Variants in AATF observed in about 807,000 individuals in gnomAD.
AATF encodes apoptosis antagonizing transcription factor.
In AATF, 48 loss-of-function variants were observed where a neutral mutation model predicts 63.7. The ratio of observed to expected loss-of-function variants is 0.75; its 90% confidence interval spans 0.60 to 0.96. The LOEUF (loss-of-function observed/expected upper bound fraction) is 0.96. Ranked by LOEUF, AATF falls within the 40% of genes least tolerant of loss-of-function variation. The pLI, the probability that AATF is intolerant of heterozygous loss-of-function variation, is 0.00. For synonymous variants in AATF, 258 were observed against 247.7 expected (o/e 1.04, Z -0.39); for missense variants, 639 against 685.7 (o/e 0.93, Z 0.76).
chr17:37,048,486 T>C (rs889434921), intron 11 of AATF, among the ~76,000 whole-genome samples: 2 of 148,560 alleles, frequency 1.3e-5, no homozygotes, highest in Admixed American at 1.4e-4. Flanking sequence ...TTTTCCCGGC[T>C]CAGCCTCCCA....
chr17:36,976,210 G>A (rs1455537311), intron 4 of AATF, among the ~76,000 whole-genome samples: 4 of 152,152 alleles, frequency 2.6e-5, no homozygotes, highest in Non-Finnish European at 4.4e-5. Flanking sequence ...TAACCCTCAA[G>A]GGTACATTGA....
intron 4 of AATF, among the ~76,000 whole-genome samples, chr17:36,968,685 G>A (rs2071015567): frequency 6.6e-6 from 1 of 151,750 alleles, no homozygotes; most frequent in South Asian, 2.1e-4. Context: ...ACAGTGGTGT[G>A]ATCATAGCTC....
At chr17:37,054,025 T>C (rs1340206477) in intron 11 of AATF, among the ~76,000 whole-genome samples, 2 of 152,204 alleles carry the variant, frequency 1.3e-5, no homozygotes, top group African/African-American at 4.8e-5. Flanking sequence ...GTTATAAAAA[T>C]GTGCAACCCT....
rs1427698475 is a variant in AATF, at chr17:36,949,174, C to T, written c.49C>T (p.Pro17Ser). Reference sequence around the variant, plus strand: ...GCTGCAACTGGAACAGTTGTTGAACCCGCGACCAAGCGAGGCGGACCCTGA... The same window carrying T: ...GCTGCAACTGGAACAGTTGTTGAACTCGCGACCAAGCGAGGCGGACCCTGA... ...LALQLEQLLN[P>S]RPSEADPEAD... The change falls in exon 1 of 12, where the codon CCG (proline) becomes TCG (serine). Residue 17 changes from proline to serine, a missense_variant. By Grantham distance (74) the Pro-to-Ser change is moderately conservative (BLOSUM62 -1). Coordinates refer to ENST00000619387, the MANE Select transcript of AATF (RefSeq NM_012138.4). 2 of 1,593,406 alleles carry T rather than the reference C, an allele frequency of 1.3e-6. No homozygotes were observed. The highest frequency in any genetic ancestry group is 1.8e-5 in the Admixed American group (1 of 56,250).
chr17:37,050,573 C>T (rs949202735), intron 11 of AATF, among the ~76,000 whole-genome samples: 6 of 152,130 alleles, frequency 3.9e-5, no homozygotes, highest in African/African-American at 1.4e-4. Flanking sequence ...GCAGAGCAGG[C>T]GTGTGTGTGA....
intron 8 of AATF, among the ~76,000 whole-genome samples, chr17:36,992,059 C>T (rs1274356806): frequency 2.6e-5 from 4 of 152,078 alleles, no homozygotes; most frequent in African/African-American, 9.7e-5. Context: ...AAGTAATTTG[C>T]GACTGCTTGT....
chr17:36,975,230 T>C (rs946188391), intron 4 of AATF, among the ~76,000 whole-genome samples: 19 of 152,184 alleles, frequency 1.2e-4, no homozygotes, highest in African/African-American at 4.6e-4. Context: ...CCCATGTCAA[T>C]GCCTGCAGGT....
intron 8 of AATF, among the ~76,000 whole-genome samples, chr17:37,015,412 G>T (rs906316618): frequency 1.3e-5 from 2 of 152,206 alleles, no homozygotes; most frequent in African/African-American, 4.8e-5. Flanking sequence ...AGTTTCTGTT[G>T]TCTGGAGAGG....
intron 8 of AATF, among the ~76,000 whole-genome samples, chr17:37,000,993 C>T (rs1218747712): frequency 6.6e-6 from 1 of 151,488 alleles, no homozygotes; most frequent in Non-Finnish European, 1.5e-5. Flanking sequence ...CAGTATTATC[C>T]TGATACCCAA....
At chr17:37,002,869 C>G (rs2071311554) in intron 8 of AATF, among the ~76,000 whole-genome samples, 1 of 148,106 alleles carries the variant, frequency 6.8e-6, no homozygotes, top group Admixed American at 6.8e-5. Context: ...TGATCTAAAG[C>G]TTCAAAACAA....
chr17:37,038,343 T>A (rs1186747589), intron 11 of AATF, among the ~76,000 whole-genome samples: 1 of 152,112 alleles, frequency 6.6e-6, no homozygotes, highest in Non-Finnish European at 1.5e-5. Context: ...GACAAACAAA[T>A]ACTGACTGAG....
intron 11 of AATF, among the ~76,000 whole-genome samples, chr17:37,033,167 G>A (rs1398874078): frequency 6.6e-6 from 1 of 152,150 alleles, no homozygotes; most frequent in Non-Finnish European, 1.5e-5. Context: ...GTACATTTGT[G>A]TCTGGCTTTG....
At chr17:37,034,045 A>G (rs899459956) in intron 11 of AATF, among the ~76,000 whole-genome samples, 2 of 152,220 alleles carry the variant, frequency 1.3e-5, no homozygotes, top group Admixed American at 6.5e-5. Context: ...AGAAAGGGCT[A>G]TCCCTTGTGG....
chr17:36,992,106 G>A, intron 8 of AATF, among the ~76,000 whole-genome samples: 1 of 152,152 alleles, frequency 6.6e-6, no homozygotes, highest in Non-Finnish European at 1.5e-5. Flanking sequence ...TGTGTATATG[G>A]ATATGAAGAA....
intron 4 of AATF, among the ~76,000 whole-genome samples, chr17:36,963,846 C>T (rs2070968364): frequency 6.6e-6 from 1 of 152,088 alleles, no homozygotes; most frequent in Non-Finnish European, 1.5e-5. Flanking sequence ...GTTTGGCAGG[C>T]TAGTAGGCTT....
chr17:37,002,748 G>A (rs1286001999), intron 8 of AATF, among the ~76,000 whole-genome samples: 2 of 151,466 alleles, frequency 1.3e-5, no homozygotes, highest in Non-Finnish European at 2.9e-5. Flanking sequence ...TTAACACACT[G>A]AACATTATAA....
intron 8 of AATF, among the ~76,000 whole-genome samples, chr17:37,006,048 T>A (rs2071338754): frequency 6.6e-6 from 1 of 151,982 alleles, no homozygotes; most frequent in African/African-American, 2.4e-5. Flanking sequence ...GGTAGGAAGA[T>A]CACTTGAGCG....
chr17:36,955,307 G>A (rs893571410), intron 4 of AATF, among the ~76,000 whole-genome samples: 1 of 152,170 alleles, frequency 6.6e-6, no homozygotes, highest in African/African-American at 2.4e-5. Flanking sequence ...GATGTAATTA[G>A]GAATGGCTTC....
At chr17:36,987,382 C>T (rs1437942050) in intron 5 of AATF, among the ~76,000 whole-genome samples, 1 of 152,172 alleles carries the variant, frequency 6.6e-6, no homozygotes, top group Non-Finnish European at 1.5e-5. Context: ...TCACAGCCAT[C>T]TCCTTTGAAT....
Sources: allele counts gnomAD v4.1 joint callset (sites outside exome capture counted in the v4.1 genomes callset), GRCh38; gene constraint gnomAD v4.1.1; transcripts MANE v1.5; gene names NCBI Gene and HGNC (gene_info 2026-07-23, HGNC 2026-07-21).